SATB1: variants seen among roughly 807,000 people sequenced by gnomAD.
SATB1 encodes the protein SATB homeobox 1, also known as DNA-binding protein SATB1.
In SATB1, 11 loss-of-function variants were observed where a neutral mutation model predicts 86.9. The ratio of observed to expected loss-of-function variants is 0.13; its 90% CI spans 0.08 to 0.21. The LOEUF (loss-of-function observed/expected upper bound fraction) is 0.21. SATB1 is among the 10% of genes least tolerant of loss of function. The pLI, the probability that SATB1 is intolerant of heterozygous loss-of-function variation, is 1.00. For synonymous variants in SATB1, 357 were observed against 357.2 expected, an observed-to-expected ratio of 1.00 and a Z score of 0.01; for missense variants, 551 against 937.6, an observed-to-expected ratio of 0.59 and a Z score of 5.39.
chr3:18,440,635 A>G (rs144031773), upstream of SATB1, among the ~76,000 whole-genome samples: 344 of 152,348 alleles, frequency 2.3e-3, 3 homozygotes, highest in African/African-American at 7.9e-3. Flanking sequence ...CACGAGGAAC[A>G]GATTACTGAA....
intron 5 of SATB1, chr3:18,409,447 G>A (rs1697716578): frequency 6.6e-6 from 1 of 151,976 alleles, no homozygotes; most frequent in Non-Finnish European, 1.5e-5. Context: ...GTTGAAAAAG[G>A]AACTAGAATG....
At position 18,346,143 on chromosome 3, in the gene SATB1, A is replaced by G. The variant is rs766880924; in HGVS notation, c.*3027T>C. ...ATACATATTAGTTACCTTGGTTTTC[A>G]AAGGTTGTCAACTCTGCATATTGTG... On this transcript the variant is annotated 3_prime_UTR_variant, in exon 11 of 11. Coordinates refer to ENST00000338745, the MANE Select transcript of SATB1 (RefSeq NM_002971.6). The G allele has an allele frequency of 2.6e-5, 4 of 152,148 alleles. No individual in the cohort carries two copies. The highest frequency in any genetic ancestry group is 4.4e-5 in the Non-Finnish European group (3 of 67,984). 9.4% of individuals were successfully genotyped at this position (152,148 alleles called of 1,614,324 possible).
intron 9 of SATB1, among the ~76,000 whole-genome samples, chr3:18,370,296 C>T (rs1575102424): frequency 6.6e-6 from 1 of 152,084 alleles, no homozygotes; most frequent in Admixed American, 6.5e-5. Flanking sequence ...CTGTCTTGTC[C>T]ATTTTAATTC....
At chr3:18,371,735 G>C (rs1695488495) in intron 9 of SATB1, among the ~76,000 whole-genome samples, 1 of 152,108 alleles carries the variant, frequency 6.6e-6, no homozygotes. Context: ...GAAAAAAGAA[G>C]ATAAAGTTAA....
chr3:18,381,684 C>T (rs1044904472), intron 8 of SATB1, among the ~76,000 whole-genome samples: 2 of 152,014 alleles, frequency 1.3e-5, no homozygotes, highest in African/African-American at 4.8e-5. Flanking sequence ...ATAAATCTAG[C>T]TCATTAATGT....
At chr3:18,400,272 C>T (rs1417392366) in intron 5 of SATB1, among the ~76,000 whole-genome samples, 2 of 152,062 alleles carry the variant, frequency 1.3e-5, no homozygotes, top group African/African-American at 2.4e-5. Flanking sequence ...TGTGAGTTCA[C>T]GTAGGTCTGG....
At chr3:18,354,107 T>G (rs1694512917) in intron 9 of SATB1, among the ~76,000 whole-genome samples, 1 of 152,200 alleles carries the variant, frequency 6.6e-6, no homozygotes, top group Admixed American at 6.5e-5. Context: ...TTTATGTGAA[T>G]ATATTAACTA....
At chr3:18,355,961 A>G (rs948913504) in intron 9 of SATB1, among the ~76,000 whole-genome samples, 2 of 152,022 alleles carry the variant, frequency 1.3e-5, no homozygotes, top group African/African-American at 4.8e-5. Context: ...TAAATTAGTA[A>G]AACTTTCAGG....
chr3:18,409,493 T>A (rs1697719919), intron 5 of SATB1: 1 of 152,004 alleles, frequency 6.6e-6, no homozygotes, highest in African/African-American at 2.4e-5. Context: ...GGCAAAAAAA[T>A]TATTTGATGT....
chr3:18,416,197 G>C, intron 3 of SATB1, 64 bp from the exon 4 acceptor site: 2 of 1,367,114 alleles, frequency 1.5e-6, no homozygotes, highest in Non-Finnish European at 2.0e-6. Flanking sequence ...TCTACTAGAA[G>C]GGTGTTCTTT....
rs888153563 is a variant in SATB1 at position 18,424,677 on chromosome 3, G to A, written c.-1075C>T. The A allele has an allele frequency of 6.6e-6, 1 of 152,012 alleles. No individual in the cohort carries two copies. The highest frequency in any genetic ancestry group is 1.5e-5 in the Non-Finnish European group (1 of 68,038). 9.4% of individuals were successfully genotyped at this position (152,012 alleles called of 1,614,324 possible). A position where few individuals can be genotyped will look rare whatever the true frequency, so the allele number is the denominator to read the frequency against. On this transcript the variant is annotated 5_prime_UTR_variant, in exon 1 of 11. Transcript: ENST00000338745. ...CCCCGCCCCCTCCCCCCAAAAAGTCGCCAAGCTCTCACTCGTCCAGAGTCC... is the reference window on the plus strand; with the variant it reads ...CCCCGCCCCCTCCCCCCAAAAAGTCACCAAGCTCTCACTCGTCCAGAGTCC...
intron 3 of SATB1, 124 bp from the exon 4 acceptor site, chr3:18,416,257 G>T: frequency 1.5e-6 from 1 of 645,760 alleles, no homozygotes; most frequent in Non-Finnish European, 2.4e-6. Flanking sequence ...CTGTTTGAAT[G>T]ATTCCCTTCC....
chr3:18,413,984 T>A (rs989577820), intron 5 of SATB1, among the ~76,000 whole-genome samples: 12 of 152,066 alleles, frequency 7.9e-5, no homozygotes, highest in Admixed American at 7.2e-4. Flanking sequence ...ATAATCTTCA[T>A]AAGCCTCACA....
intron 7 of SATB1, among the ~76,000 whole-genome samples, chr3:18,388,391 T>C (rs1188784222): frequency 6.6e-6 from 1 of 152,002 alleles, no homozygotes; most frequent in Non-Finnish European, 1.5e-5. Flanking sequence ...CTCCACCAAA[T>C]GTTATGTCTT....
intron 7 of SATB1, among the ~76,000 whole-genome samples, chr3:18,387,915 C>T (rs1696426231): frequency 1.3e-5 from 2 of 152,072 alleles, no homozygotes; most frequent in Non-Finnish European, 2.9e-5. Context: ...GATAATGTAC[C>T]ATGTTGCCGA....
chr3:18,419,169 A>C (rs1183696085), intron 2 of SATB1, among the ~76,000 whole-genome samples: 1 of 152,196 alleles, frequency 6.6e-6, no homozygotes, highest in Non-Finnish European at 1.5e-5. Flanking sequence ...ATAAAGTGAC[A>C]ATAGTACTAT....
intron 5 of SATB1, chr3:18,411,029 T>C: frequency 2.5e-6 from 1 of 395,062 alleles, no homozygotes; most frequent in Non-Finnish European, 4.5e-6. Flanking sequence ...AAATAAATTG[T>C]CCAACATATT....
At chr3:18,397,613 T>G (rs559536989) in intron 5 of SATB1, among the ~76,000 whole-genome samples, 1 of 152,284 alleles carries the variant, frequency 6.6e-6, no homozygotes, top group East Asian at 1.9e-4. Context: ...TCCAAATACA[T>G]GAAGATGACT....
chr3:18,372,785 A>G (rs1695538530), intron 9 of SATB1, among the ~76,000 whole-genome samples: 1 of 152,220 alleles, frequency 6.6e-6, no homozygotes, highest in Non-Finnish European at 1.5e-5. Flanking sequence ...AAATATAAAA[A>G]TATATCAACG....
Sources: allele counts gnomAD v4.1 joint callset (sites outside exome capture counted in the v4.1 genomes callset), GRCh38; gene constraint gnomAD v4.1.1; transcripts MANE v1.5; gene names NCBI Gene and HGNC (gene_info 2026-07-23, HGNC 2026-07-21).